POLR3B: variants seen among roughly 807,000 people sequenced by gnomAD.
POLR3B encodes the protein RNA polymerase III subunit B, also known as DNA-directed RNA polymerase III subunit RPC2.
A neutral mutation model predicts 147.4 loss-of-function variants in POLR3B; 96 were observed. The ratio of observed to expected loss-of-function variants is 0.65; its 90% confidence interval spans 0.55 to 0.77. POLR3B has a LOEUF of 0.77. Among genes scored for constraint, POLR3B ranks in the 30% least tolerant of loss-of-function variants. POLR3B has a pLI of 0.00. For missense variants in POLR3B, 1,036 were observed against 1,413.5 expected (o/e 0.73, Z 4.28); for synonymous variants, 461 against 485.9 (o/e 0.95, Z 0.67).
intron 1 of POLR3B, among the ~76,000 whole-genome samples, chr12:106,361,074 A>G (rs988075858): frequency 2.0e-5 from 3 of 152,148 alleles, no homozygotes; most frequent in Non-Finnish European, 4.4e-5. Flanking sequence ...GAGTTAAGAC[A>G]TGGTGAAGAG....
At chr12:106,445,249 G>T (rs1469055366) in intron 19 of POLR3B, among the ~76,000 whole-genome samples, 1 of 152,214 alleles carries the variant, frequency 6.6e-6, no homozygotes. Flanking sequence ...CCTGTGCTCA[G>T]GGAGTTCAAA....
chr12:106,410,790 T>C (rs760910505), intron 11 of POLR3B, 36 bp from the exon 12 acceptor site: 1 of 1,602,694 alleles, frequency 6.2e-7, no homozygotes, highest in Non-Finnish European at 8.5e-7. Flanking sequence ...TTAATGTCCA[T>C]TTTCTCAAAA....
At chr12:106,363,372 C>T (rs774693039) in intron 1 of POLR3B, among the ~76,000 whole-genome samples, 8 of 152,188 alleles carry the variant, frequency 5.3e-5, no homozygotes, top group Non-Finnish European at 8.8e-5. Flanking sequence ...TCCTCGCCTC[C>T]ATCAATTTTA....
At chr12:106,468,669 C>T (rs1458145749) in intron 23 of POLR3B, among the ~76,000 whole-genome samples, 1 of 152,176 alleles carries the variant, frequency 6.6e-6, no homozygotes, top group African/African-American at 2.4e-5. Context: ...TTTCAAAGAA[C>T]ATCTTTATTT....
At chr12:106,385,696 A>G (rs553663177) in intron 9 of POLR3B, among the ~76,000 whole-genome samples, 3 of 152,362 alleles carry the variant, frequency 2.0e-5, no homozygotes, top group African/African-American at 7.2e-5. Context: ...AAGAGTATTC[A>G]TAAGTATTGA....
rs2037812190 is a variant in POLR3B, at chr12:106,452,659, TC to T, written c.2084-1840del. On this transcript the variant is annotated intron_variant, in intron 19 of 27. Transcript: ENST00000228347. ...TTATTGTCAGTGAACTTTACCATAA[TC>T]CCAGCAGTAGTAATCTTATTTCTAA... 3.9e-5 allele frequency among the ~76,000 whole-genome samples: 6 copies of T among 152,266 alleles called. No individual in the cohort carries two copies. In the South Asian group the frequency reaches 1.2e-3, roughly 32 times the overall value.
chr12:106,417,862 G>A (rs997742345), intron 12 of POLR3B, among the ~76,000 whole-genome samples: 2 of 152,116 alleles, frequency 1.3e-5, no homozygotes, highest in African/African-American at 4.8e-5. Flanking sequence ...GAGGAATAAG[G>A]AATGGAGTAA....
intron 23 of POLR3B, among the ~76,000 whole-genome samples, chr12:106,484,309 A>T (rs1592768427): frequency 1.3e-5 from 2 of 152,284 alleles, no homozygotes; most frequent in South Asian, 4.2e-4. Flanking sequence ...AGATGGTGAG[A>T]TGATGGAAGA....
At chr12:106,495,851 C>T in intron 23 of POLR3B, 1 of 668,192 alleles carries the variant, frequency 1.5e-6, no homozygotes, top group Admixed American at 2.1e-5. Flanking sequence ...CCACAGGCTG[C>T]AGTGCCTTTC....
intron 6 of POLR3B, among the ~76,000 whole-genome samples, chr12:106,374,941 C>CT (rs1456526695): frequency 6.6e-6 from 1 of 152,166 alleles, no homozygotes; most frequent in Non-Finnish European, 1.5e-5. Context: ...ACACGTCAGA[C>CT]TTTTGGTTAG....
intron 10 of POLR3B, among the ~76,000 whole-genome samples, chr12:106,393,377 G>T (rs1375392408): frequency 6.6e-6 from 1 of 151,932 alleles, no homozygotes; most frequent in Admixed American, 6.6e-5. Flanking sequence ...TAGAATAGGG[G>T]ATATATGGCG....
intron 9 of POLR3B, among the ~76,000 whole-genome samples, chr12:106,391,402 T>TG (rs1204248723): frequency 1.3e-5 from 2 of 152,160 alleles, no homozygotes; most frequent in Non-Finnish European, 2.9e-5. Context: ...AGCCTGCACT[T>TG]GGGGTGGGGA....
intron 23 of POLR3B, among the ~76,000 whole-genome samples, chr12:106,478,418 C>A (rs2038213327): frequency 6.6e-6 from 1 of 152,116 alleles, no homozygotes; most frequent in Non-Finnish European, 1.5e-5. Flanking sequence ...CTTAGGGGAG[C>A]TTTGACTTGT....
At chr12:106,366,780 G>T in intron 4 of POLR3B, 58 bp downstream of exon 4, 1 of 1,287,944 alleles carries the variant, frequency 7.8e-7, no homozygotes, top group South Asian at 1.2e-5. Context: ...TTTTTAAAGT[G>T]AGTGAAGTTG....
chr12:106,434,180 G>A (rs919162114), intron 16 of POLR3B, among the ~76,000 whole-genome samples: 4 of 152,180 alleles, frequency 2.6e-5, no homozygotes, highest in East Asian at 1.9e-4. Flanking sequence ...CACTATATGT[G>A]TAAGGCTTTA....
At chr12:106,467,067 A>G (rs184841184) in intron 23 of POLR3B, among the ~76,000 whole-genome samples, 8 of 152,172 alleles carry the variant, frequency 5.3e-5, no homozygotes, top group Admixed American at 5.2e-4. Flanking sequence ...CCTGATATTG[A>G]TTCTTCTTAT....
chr12:106,376,930 A>G (rs1316606927), intron 7 of POLR3B, among the ~76,000 whole-genome samples: 1 of 152,152 alleles, frequency 6.6e-6, no homozygotes, highest in African/African-American at 2.4e-5. Flanking sequence ...TCAAAGACAT[A>G]CTGTTTCCTC....
At chr12:106,405,832 C>T (rs918633121) in intron 10 of POLR3B, 25 bp from the exon 11 acceptor site, 1 of 1,609,460 alleles carries the variant, frequency 6.2e-7, no homozygotes, top group Admixed American at 1.7e-5. Flanking sequence ...GTCATTCAAA[C>T]ATTATTGTAA....
At chr12:106,424,261 A>G (rs2037408380) in intron 12 of POLR3B, among the ~76,000 whole-genome samples, 1 of 152,108 alleles carries the variant, frequency 6.6e-6, no homozygotes, top group Non-Finnish European at 1.5e-5. Flanking sequence ...GGTTTGGTTT[A>G]GTTTTTGGGA....
Sources: gnomAD v4.1 joint callset for allele counts (sites outside exome capture counted in the v4.1 genomes callset) on GRCh38, gnomAD v4.1.1 for gene constraint, MANE v1.5 for transcripts, NCBI Gene and HGNC (gene_info 2026-07-23, HGNC 2026-07-21) for gene names.